The following STAU2 variants were observed in gnomAD, a reference collection of about 807,000 sequenced individuals.
STAU2 encodes double-stranded RNA-binding protein Staufen homolog 2.
A neutral mutation model predicts 65.9 loss-of-function variants in STAU2; 20 were observed. The ratio of observed to expected loss-of-function variants is 0.30; its 90% CI spans 0.21 to 0.44. The LOEUF (loss-of-function observed/expected upper bound fraction) is 0.44. Ranked by LOEUF, STAU2 falls within the 20% of genes least tolerant of loss-of-function variation. The pLI, the probability that STAU2 is intolerant of heterozygous loss-of-function variation, is 1.00. For synonymous variants in STAU2, 232 were observed against 233.9 expected, an observed-to-expected ratio of 0.99 and a Z score of 0.07; for missense variants, 558 against 683.9, an observed-to-expected ratio of 0.82 and a Z score of 2.05.
At chr8:73,660,422 C>A (rs1816745507) in intron 6 of STAU2, among the ~76,000 whole-genome samples, 1 of 152,168 alleles carries the variant, frequency 6.6e-6, no homozygotes, top group South Asian at 2.1e-4. Flanking sequence ...GAGCGAGACA[C>A]CGGCTCAGGA....
In STAU2 at chr8:73,673,100, T is replaced by C. The variant is rs936651889; in HGVS notation, c.410+7A>G. The C allele has an allele frequency of 1.3e-6, 2 of 1,556,226 alleles. No individual in the cohort carries two copies. Among genetic ancestry groups the C allele is most frequent in the Admixed American group, 2.1e-5 (1 of 48,186 alleles). On this transcript the variant is annotated splice_region_variant and intron_variant, in intron 6 of 14. Coordinates refer to ENST00000524300, the MANE Select transcript of STAU2 (RefSeq NM_001164380.2). ...ATTAAGAACAAAACCAAAAAAGACA[T>C]ACAAACCTCTGATTGTACATGCCCC...
chr8:73,726,818 CTCTT>C (rs1339080611), intron 3 of STAU2, among the ~76,000 whole-genome samples: 1 of 152,180 alleles, frequency 6.6e-6, no homozygotes, highest in African/African-American at 2.4e-5. Context: ...ATTTCTGGGT[CTCTT>C]TCTTTTCAGA....
At chr8:73,481,521 A>C (rs1464909960) in intron 13 of STAU2, among the ~76,000 whole-genome samples, 17 of 117,694 alleles carry the variant, frequency 1.4e-4, no homozygotes, top group African/African-American at 4.6e-4. Flanking sequence ...AAAAACAAAA[A>C]AAAAAAACAC....
chr8:73,438,934 G>A (rs1173471894), intron 13 of STAU2: 2 of 456,536 alleles, frequency 4.4e-6, no homozygotes, highest in Non-Finnish European at 8.8e-6. Flanking sequence ...GCTGTTAGGA[G>A]GACACATTTG....
At chr8:73,708,191 CCT>C (rs1325104935) in intron 4 of STAU2, among the ~76,000 whole-genome samples, 6 of 152,174 alleles carry the variant, frequency 3.9e-5, no homozygotes, top group African/African-American at 1.4e-4. Context: ...ATTGTAGTTT[CCT>C]CTTATTTTCC....
intron 3 of STAU2, among the ~76,000 whole-genome samples, chr8:73,710,126 C>T (rs1324786684): frequency 2.0e-5 from 3 of 152,078 alleles, no homozygotes; most frequent in Admixed American, 6.6e-5. Flanking sequence ...TTACCTTCCC[C>T]TACCGTTTCT....
chr8:73,659,306 G>A (rs904171932), intron 6 of STAU2, among the ~76,000 whole-genome samples: 3 of 152,206 alleles, frequency 2.0e-5, no homozygotes, highest in African/African-American at 7.2e-5. Context: ...GGGAGGCTGA[G>A]GCGGGCAGAT....
upstream of STAU2, chr8:73,746,863 C>T (rs907529262): frequency 8.3e-6 from 10 of 1,208,038 alleles, no homozygotes; most frequent in African/African-American, 6.3e-5. Context: ...CCGCCGCCGG[C>T]TTCCACCCCT....
intron 8 of STAU2, among the ~76,000 whole-genome samples, chr8:73,615,424 C>T (rs973357083): frequency 1.1e-4 from 17 of 151,896 alleles, no homozygotes; most frequent in African/African-American, 3.6e-4. Context: ...CAGAAAATAA[C>T]TTTTATAATA....
At chr8:73,644,809 C>A (rs1314487153) in intron 6 of STAU2, among the ~76,000 whole-genome samples, 3 of 152,060 alleles carry the variant, frequency 2.0e-5, no homozygotes, top group Non-Finnish European at 2.9e-5. Flanking sequence ...ATACTAAGAT[C>A]AATTCTACAC....
At chr8:73,571,843 G>A (rs1809116579) in intron 12 of STAU2, among the ~76,000 whole-genome samples, 1 of 152,010 alleles carries the variant, frequency 6.6e-6, no homozygotes, top group African/African-American at 2.4e-5. Context: ...AAGAACTAGA[G>A]AAGCAAGAGC....
At chr8:73,434,521 A>G (rs1006335048) in intron 13 of STAU2, among the ~76,000 whole-genome samples, 2 of 151,910 alleles carry the variant, frequency 1.3e-5, no homozygotes, top group African/African-American at 4.9e-5. Flanking sequence ...GACTTGGATT[A>G]AAACTCCAGC....
chr8:73,603,098 T>A (rs1811763598), intron 10 of STAU2, among the ~76,000 whole-genome samples: 1 of 152,182 alleles, frequency 6.6e-6, no homozygotes, highest in African/African-American at 2.4e-5. Context: ...AAGAAAAATT[T>A]CTTAAGACTG....
Position 73,617,299 on chromosome 8 carries a change from G to T in STAU2, c.563C>A (p.Ser188Tyr). 1 of 1,614,018 alleles carries T rather than the reference G, an allele frequency of 6.2e-7. No homozygotes were observed. The highest frequency in any genetic ancestry group is 1.3e-5 in the African/African-American group (1 of 75,034). The change falls in exon 7 of 15, where the codon TCT becomes TAT. Residue 188 changes from serine to tyrosine, a missense_variant. Ser to Tyr is a moderately radical substitution (Grantham distance 144). Transcript: ENST00000524300. ...CATGCAGCAGCACCACACCTGAGGA[G>T]ATCTTTCTGGAATAGGTTCATTCTG... ...ALQNEPIPER[S>Y]PQNGESGKDV...
chr8:73,503,045 A>C (rs1301230393), intron 13 of STAU2, among the ~76,000 whole-genome samples: 2 of 152,114 alleles, frequency 1.3e-5, no homozygotes, highest in African/African-American at 4.8e-5. Flanking sequence ...TAATCTCTTA[A>C]GTTACAAATT....
chr8:73,584,109 A>G (rs1414009189), intron 11 of STAU2, among the ~76,000 whole-genome samples: 1 of 152,224 alleles, frequency 6.6e-6, no homozygotes, highest in Non-Finnish European at 1.5e-5. Context: ...GGCAGACAGC[A>G]GAAGCAAAAC....
intron 9 of STAU2, among the ~76,000 whole-genome samples, chr8:73,606,020 G>GAAAAAGA (rs1812010922): frequency 6.8e-6 from 1 of 147,148 alleles, no homozygotes; most frequent in South Asian, 2.1e-4. Flanking sequence ...AAAAGAAAAA[G>GAAAAAGA]AAAAAGAAAA....
Position 73,538,112 on chromosome 8 carries a change from C to T in STAU2, c.1530+13900G>A, listed in dbSNP as rs549271727. ...ATTGGAAGAGACTTGAGAGACTTGA[C>T]AACTAAATGCAATGTGGATCCTAGA... On this transcript the variant is annotated intron_variant, in intron 13 of 14. Coordinates refer to ENST00000524300, the MANE Select transcript of STAU2 (RefSeq NM_001164380.2). 3.3e-5 allele frequency among the ~76,000 whole-genome samples: 5 copies of T among 152,266 alleles called. No individual in the cohort carries two copies. The South Asian group carries it at 1.0e-3, about 32-fold the overall frequency.
At chr8:73,534,542 CAA>C (rs1411154807) in intron 13 of STAU2, among the ~76,000 whole-genome samples, 2 of 152,056 alleles carry the variant, frequency 1.3e-5, no homozygotes, top group African/African-American at 2.4e-5. Flanking sequence ...TATAAGTAAA[CAA>C]AATTAATTTA....
Sources: gnomAD v4.1 joint callset for allele counts (sites outside exome capture counted in the v4.1 genomes callset) on GRCh38, gnomAD v4.1.1 for gene constraint, MANE v1.5 for transcripts, NCBI Gene and HGNC (gene_info 2026-07-23, HGNC 2026-07-21) for gene names.